The following EML4 variants were observed in gnomAD, a reference collection of about 807,000 sequenced individuals.
EML4 encodes EMAP like 4.
In EML4, 72 loss-of-function variants were observed where a neutral mutation model predicts 129.0. The observed-to-expected ratio is 0.56, with a 90% CI of 0.46 to 0.68. EML4 has a LOEUF of 0.68. Ranked by LOEUF, EML4 falls within the 30% of genes least tolerant of loss-of-function variation. The pLI is 0.00. For missense variants in EML4, 1,363 were observed against 1,190.6 expected (o/e 1.14, Z -2.13); for synonymous variants, 532 against 405.0 (o/e 1.31, Z -3.77).
At chr2:42,245,434 G>T in intron 1 of EML4, 71 bp from the exon 2 acceptor site, 1 of 1,404,270 alleles carries the variant, frequency 7.1e-7, no homozygotes, top group South Asian at 1.3e-5. Flanking sequence ...ATGTGGGATG[G>T]TTTTTCTAAT....
At chr2:42,224,659 TC>T (rs1355616294) in intron 1 of EML4, among the ~76,000 whole-genome samples, 3 of 152,092 alleles carry the variant, frequency 2.0e-5, no homozygotes, top group Admixed American at 2.0e-4. Flanking sequence ...CTGTTTACAT[TC>T]CCACTAGCAG....
intron 13 of EML4, among the ~76,000 whole-genome samples, chr2:42,299,859 T>C (rs983041016): frequency 2.0e-5 from 3 of 152,210 alleles, no homozygotes; most frequent in African/African-American, 7.2e-5. Flanking sequence ...CGGCTAATTT[T>C]GTGTTTTTAG....
chr2:42,265,448 C>G (rs994129932), intron 6 of EML4, among the ~76,000 whole-genome samples: 9 of 152,086 alleles, frequency 5.9e-5, no homozygotes, highest in African/African-American at 2.2e-4. Flanking sequence ...CCGTGTTGGC[C>G]AGGCTGGTCT....
intron 17 of EML4, among the ~76,000 whole-genome samples, chr2:42,312,870 T>C (rs1201770138): frequency 6.8e-6 from 1 of 147,344 alleles, no homozygotes; most frequent in African/African-American, 2.5e-5. Flanking sequence ...CAGAAAACTT[T>C]TAAATCTGCC....
At chr2:42,270,662 A>G (rs1374046069) in intron 6 of EML4, among the ~76,000 whole-genome samples, 5 of 152,184 alleles carry the variant, frequency 3.3e-5, no homozygotes, top group Admixed American at 6.5e-5. Flanking sequence ...TGTGTCACCT[A>G]TTGAGAGGGT....
At chr2:42,206,321 C>T (rs1672535666) in intron 1 of EML4, among the ~76,000 whole-genome samples, 1 of 152,094 alleles carries the variant, frequency 6.6e-6, no homozygotes, top group Non-Finnish European at 1.5e-5. Context: ...TCAAGTGATC[C>T]TCCCACCTCA....
chr2:42,169,778 C>G (rs567860678), intron 1 of EML4, 142 bp downstream of exon 1: 4 of 916,258 alleles, frequency 4.4e-6, no homozygotes, highest in East Asian at 3.2e-5. Flanking sequence ...AGGCTGCCGC[C>G]CCTCCGCGGA....
chr2:42,193,830 C>T (rs977798835), intron 1 of EML4, among the ~76,000 whole-genome samples: 1 of 152,048 alleles, frequency 6.6e-6, no homozygotes, highest in Non-Finnish European at 1.5e-5. Flanking sequence ...GGACTACAGG[C>T]ATGCACCACC....
At chr2:42,170,087 G>T (rs1271915989) in intron 1 of EML4, 1 of 156,704 alleles carries the variant, frequency 6.4e-6, no homozygotes, top group East Asian at 1.8e-4. Flanking sequence ...CACCCGAACA[G>T]AGGCTCCTTT....
intron 11 of EML4, among the ~76,000 whole-genome samples, chr2:42,294,498 C>G (rs992716949): frequency 7.2e-5 from 11 of 152,122 alleles, no homozygotes; most frequent in African/African-American, 2.4e-4. Flanking sequence ...GAGTTCGAGC[C>G]CAGCCTAGCC....
chr2:42,266,724 G>A (rs898695723), intron 6 of EML4, among the ~76,000 whole-genome samples: 29 of 151,764 alleles, frequency 1.9e-4, no homozygotes, highest in Admixed American at 1.9e-3. Flanking sequence ...ACTGTGTTTA[G>A]TGGTTGGTCC....
chr2:42,172,241 A>AATTTTAG (rs1222989412), intron 1 of EML4, among the ~76,000 whole-genome samples: 1 of 152,186 alleles, frequency 6.6e-6, no homozygotes, highest in African/African-American at 2.4e-5. Flanking sequence ...TAAACAGAAT[A>AATTTTAG]ATTTTAGAGA....
At chr2:42,253,686 C>T (rs996157914) in intron 2 of EML4, among the ~76,000 whole-genome samples, 3 of 152,030 alleles carry the variant, frequency 2.0e-5, no homozygotes, top group Admixed American at 6.6e-5. Flanking sequence ...GTTATTTCAA[C>T]CCTAATTCGA....
chr2:42,286,115 T>G, intron 9 of EML4, 154 bp from the exon 10 acceptor site: 1 of 666,660 alleles, frequency 1.5e-6, no homozygotes, highest in South Asian at 1.7e-5. Context: ...AGAAAATACC[T>G]ACTTAAGATT....
chr2:42,250,015 A>C (rs1675660994), intron 2 of EML4, among the ~76,000 whole-genome samples: 1 of 152,246 alleles, frequency 6.6e-6, no homozygotes. Flanking sequence ...ATTATGTCAC[A>C]GCTGGTGCCT....
chr2:42,310,125 G>T (rs1668851148), intron 17 of EML4, among the ~76,000 whole-genome samples: 1 of 152,048 alleles, frequency 6.6e-6, no homozygotes, highest in Non-Finnish European at 1.5e-5. Context: ...CACCATTTTT[G>T]AAAACAAATT....
In EML4 at chr2:42,330,976, G is replaced by T. The variant is rs1670071621; in HGVS notation, c.*769G>T. 4.8e-6 allele frequency: 1 copy of T among 209,424 alleles called. No individual in the cohort carries two copies. Among genetic ancestry groups the T allele is most frequent in the African/African-American group, 2.3e-5 (1 of 44,008 alleles). The allele number at this position is 209,424 out of a possible 1,614,324, so 13.0% of individuals were successfully genotyped here. On this transcript the variant is annotated 3_prime_UTR_variant, in exon 23 of 23. Transcript: ENST00000318522. ...ACTCAGAAATGATGGATTCCTCCAA[G>T]GAGTCCTTTACTAGCCTAAACATTC...
intron 11 of EML4, chr2:42,288,967 G>C (rs1667467371): frequency 6.6e-6 from 1 of 152,146 alleles, no homozygotes. Context: ...GCTTTAAAAA[G>C]TCTGTGTAAT....
intron 11 of EML4, chr2:42,290,045 C>G (rs1176117885): frequency 1.3e-5 from 2 of 152,112 alleles, no homozygotes; most frequent in Admixed American, 6.6e-5. Context: ...CGAGATCACG[C>G]CATTGCACTC....
Sources: allele counts gnomAD v4.1 joint callset (sites outside exome capture counted in the v4.1 genomes callset), GRCh38; gene constraint gnomAD v4.1.1; transcripts MANE v1.5; gene names NCBI Gene and HGNC (gene_info 2026-07-23, HGNC 2026-07-21).